Variants in CACNA2D3 observed in about 807,000 individuals in gnomAD.
The protein encoded by CACNA2D3 is voltage-dependent calcium channel subunit alpha-2/delta-3.
A neutral mutation model predicts 160.6 loss-of-function variants in CACNA2D3; 60 were observed. That is an observed-to-expected ratio of 0.37 (90% CI 0.30 to 0.46). CACNA2D3 has a LOEUF of 0.46. Among genes scored for constraint, CACNA2D3 ranks in the 20% least tolerant of loss-of-function variants. The pLI, the probability that CACNA2D3 is intolerant of heterozygous loss-of-function variation, is 1.00. For synonymous variants in CACNA2D3, 558 were observed against 492.9 expected (o/e 1.13, Z -1.75); for missense variants, 1,205 against 1,365.0 (o/e 0.88, Z 1.85).
At position 54,483,218 on chromosome 3, in the gene CACNA2D3, A is replaced by C. The variant is rs1254258870; in HGVS notation, c.382-20274A>C. 5.3e-5 allele frequency among the ~76,000 whole-genome samples: 8 copies of C among 152,314 alleles called. 1 individual carries two copies. Among genetic ancestry groups the C allele is most frequent in the Admixed American group, 5.2e-4 (8 of 15,306 alleles). On this transcript the variant is annotated intron_variant, in intron 4 of 37. Coordinates refer to ENST00000474759, the MANE Select transcript of CACNA2D3 (RefSeq NM_018398.3). Reference sequence around the variant, plus strand: ...TGCACTTTTTGTATGCATTTGCTGTAAGAGCTTGTTGCGTAAGTCTAAATG... The same window carrying C: ...TGCACTTTTTGTATGCATTTGCTGTCAGAGCTTGTTGCGTAAGTCTAAATG...
At chr3:54,295,646 A>G (rs62254114) in intron 2 of CACNA2D3, among the ~76,000 whole-genome samples, 15,561 of 152,224 alleles carry the variant, frequency 0.1, 939 homozygotes, top group East Asian at 0.21. Context: ...TTACAGGAAT[A>G]GTCACTTATG....
intron 2 of CACNA2D3, among the ~76,000 whole-genome samples, chr3:54,169,812 A>C (rs987059015): frequency 6.6e-6 from 1 of 151,918 alleles, no homozygotes. Flanking sequence ...TTTCCTATAT[A>C]AGGTGGAGAA....
chr3:54,382,974 G>A lies in CACNA2D3; in HGVS notation c.322-3741G>A, dbSNP rs1001103358. On this transcript the variant is annotated intron_variant, in intron 3 of 37. Transcript: ENST00000474759. ...GTGATCCTCCCACCTGAGTTTCACC[G>A]CTAGCTGGGACTACAGGTGGGTGCC... 2.6e-5 allele frequency among the ~76,000 whole-genome samples: 4 copies of A among 152,098 alleles called. No homozygotes were observed. The South Asian group carries it at 8.3e-4, about 32-fold the overall frequency.
At chr3:55,044,287 T>C (rs971726934) in intron 35 of CACNA2D3, among the ~76,000 whole-genome samples, 1 of 152,210 alleles carries the variant, frequency 6.6e-6, no homozygotes, top group African/African-American at 2.4e-5. Context: ...TTTTCATCAG[T>C]ATTCTATAGT....
chr3:54,390,475 A>G (rs1699260494), intron 4 of CACNA2D3, among the ~76,000 whole-genome samples: 1 of 152,212 alleles, frequency 6.6e-6, no homozygotes, highest in Admixed American at 6.5e-5. Flanking sequence ...TGTTCTGGAC[A>G]TGTACAACAA....
At chr3:54,623,741 G>T (rs1699038764) in intron 9 of CACNA2D3, among the ~76,000 whole-genome samples, 1 of 152,226 alleles carries the variant, frequency 6.6e-6, no homozygotes, top group African/African-American at 2.4e-5. Flanking sequence ...GTAGCCACTA[G>T]CCACATGTGG....
At chr3:54,601,679 T>C (rs936217946) in intron 9 of CACNA2D3, among the ~76,000 whole-genome samples, 7 of 151,954 alleles carry the variant, frequency 4.6e-5, no homozygotes, top group African/African-American at 7.2e-5. Flanking sequence ...CCCCAAATCT[T>C]ATACCCCAGT....
intron 34 of CACNA2D3, among the ~76,000 whole-genome samples, chr3:55,014,229 G>A (rs978527024): frequency 2.0e-5 from 3 of 152,170 alleles, no homozygotes; most frequent in Admixed American, 2.0e-4. Context: ...AGTGAAGATT[G>A]ATGGTGAAGG....
At position 54,918,926 on chromosome 3, in the gene CACNA2D3, G is replaced by A; in HGVS notation, c.2449+19058G>A. On this transcript the variant is annotated intron_variant, in intron 27 of 37. Coordinates refer to ENST00000474759, the MANE Select transcript of CACNA2D3 (RefSeq NM_018398.3). ...AACAAAAGCAAAGAACAATAACAAA[G>A]CCTTGATACAACAGAGTTCCAAAAT... The A allele has an allele frequency of 3.3e-6, 5 of 1,495,844 alleles. No homozygotes were observed. The South Asian group carries it at 6.9e-5, about 21-fold the overall frequency. The allele number at this position is 1,495,844 out of a possible 1,614,324, so 92.7% of individuals were successfully genotyped here.
At chr3:54,581,264 A>T (rs1702672585) in intron 8 of CACNA2D3, among the ~76,000 whole-genome samples, 1 of 152,170 alleles carries the variant, frequency 6.6e-6, no homozygotes, top group South Asian at 2.1e-4. Context: ...AAGTGATGGG[A>T]GTGCCGGTGT....
chr3:54,879,171 T>C, intron 19 of CACNA2D3, 82 bp downstream of exon 19: 1 of 981,940 alleles, frequency 1.0e-6, no homozygotes, highest in Non-Finnish European at 1.5e-6. Context: ...ATATCTGGAA[T>C]AAATATCTTT....
intron 2 of CACNA2D3, among the ~76,000 whole-genome samples, chr3:54,242,956 A>C (rs2107410459): frequency 6.6e-6 from 1 of 152,330 alleles, no homozygotes; most frequent in South Asian, 2.1e-4. Flanking sequence ...AGCACCTTTA[A>C]CTATTTGTGA....
chr3:54,359,517 A>G (rs1291207187), intron 3 of CACNA2D3, among the ~76,000 whole-genome samples: 1 of 152,180 alleles, frequency 6.6e-6, no homozygotes, highest in Non-Finnish European at 1.5e-5. Flanking sequence ...TGGATGACAA[A>G]GGGTAATTTA....
At position 54,940,888 on chromosome 3, in the gene CACNA2D3, A is replaced by G. The variant is rs548236555; in HGVS notation, c.2450-27562A>G. On this transcript the variant is annotated intron_variant, in intron 27 of 37. Transcript: ENST00000474759. ...CTAGCAGGGAGCCAAAGGTATCTGT[A>G]TGTTTGCATCTTGAAAAATAAATGG... Among the ~76,000 whole-genome samples, 8 of 152,312 alleles carry G rather than the reference A, an allele frequency of 5.3e-5. No individual in the cohort carries two copies. The South Asian group carries it at 1.7e-3, about 32-fold the overall frequency.
At chr3:54,825,718 G>C (rs1401290217) in intron 14 of CACNA2D3, among the ~76,000 whole-genome samples, 1 of 152,178 alleles carries the variant, frequency 6.6e-6, no homozygotes, top group East Asian at 1.9e-4. Flanking sequence ...TTGCATTAGA[G>C]AAAGATGACA....
intron 27 of CACNA2D3, among the ~76,000 whole-genome samples, chr3:54,952,124 A>G (rs1350787628): frequency 6.6e-6 from 1 of 152,070 alleles, no homozygotes; most frequent in Non-Finnish European, 1.5e-5. Flanking sequence ...GGGATTACAC[A>G]TGTTAGCCAC....
At chr3:54,603,465 C>T (rs186713401) in intron 9 of CACNA2D3, among the ~76,000 whole-genome samples, 126 of 152,292 alleles carry the variant, frequency 8.3e-4, no homozygotes, top group African/African-American at 2.9e-3. Context: ...AGTCCTGACT[C>T]AACTTCCTTC....
chr3:54,822,823 CTTT>C (rs1703663581), intron 14 of CACNA2D3, among the ~76,000 whole-genome samples: 4 of 91,292 alleles, frequency 4.4e-5, no homozygotes, highest in Non-Finnish European at 8.4e-5. Context: ...TTCTTTCTTT[CTTT>C]CTTTCTTTTC....
chr3:54,202,847 A>C (rs1381432855), intron 2 of CACNA2D3, among the ~76,000 whole-genome samples: 1 of 152,204 alleles, frequency 6.6e-6, no homozygotes, highest in Non-Finnish European at 1.5e-5. Flanking sequence ...TTCTCTCCCC[A>C]CTACTTGACT....
Sources: allele counts gnomAD v4.1 joint callset (sites outside exome capture counted in the v4.1 genomes callset), GRCh38; gene constraint gnomAD v4.1.1; transcripts MANE v1.5; gene names NCBI Gene and HGNC (gene_info 2026-07-23, HGNC 2026-07-21).